Variants in ATRN observed in about 807,000 individuals in gnomAD.
ATRN encodes the protein attractin, also known as attractin-2.
Under a neutral mutation model 178.7 loss-of-function variants are expected in ATRN, and 54 were observed. That is an observed-to-expected ratio of 0.30 (90% CI 0.24 to 0.38). The LOEUF is 0.38. Among genes scored for constraint, ATRN ranks in the 10% least tolerant of loss-of-function variants. ATRN has a pLI of 1.00. For missense variants in ATRN, 1,443 were observed against 1,815.1 expected, an observed-to-expected ratio of 0.79 and a Z score of 3.73; for synonymous variants, 636 against 663.0, an observed-to-expected ratio of 0.96 and a Z score of 0.63.
intron 1 of ATRN, chr20:3,489,810 T>C (rs755659857): frequency 1.6e-6 from 2 of 1,267,696 alleles, no homozygotes; most frequent in Non-Finnish European, 2.3e-6. Context: ...TCCACAAATC[T>C]CACAGTTATA....
At chr20:3,543,052 TA>T (rs1455154869) in intron 3 of ATRN, among the ~76,000 whole-genome samples, 1 of 152,184 alleles carries the variant, frequency 6.6e-6, no homozygotes, top group Non-Finnish European at 1.5e-5. Context: ...TGATGATGGT[TA>T]ACCCTTCATT....
At chr20:3,565,310 T>A in intron 10 of ATRN, 38 bp from the exon 11 acceptor site, 1 of 1,513,878 alleles carries the variant, frequency 6.6e-7, no homozygotes, top group Non-Finnish European at 9.1e-7. Context: ...TGATTAGAAA[T>A]GGTAGTCCGT....
intron 1 of ATRN, among the ~76,000 whole-genome samples, chr20:3,506,389 C>T (rs1171335870): frequency 6.6e-6 from 1 of 151,932 alleles, no homozygotes; most frequent in Non-Finnish European, 1.5e-5. Flanking sequence ...TTTGGGAGGC[C>T]GAGGCAGGTG....
chr20:3,479,246 T>C (rs1292525665), intron 1 of ATRN, among the ~76,000 whole-genome samples: 1 of 152,198 alleles, frequency 6.6e-6, no homozygotes, highest in Non-Finnish European at 1.5e-5. Context: ...AAATATCTGC[T>C]GAATATTGTG....
chr20:3,638,838 G>A lies in ATRN; in HGVS notation c.3953G>A (p.Arg1318Gln), dbSNP rs761701049. Reference protein sequence around the residue: ...WASRRREQLLREMQQMASRPF... With the variant: ...WASRRREQLLQEMQQMASRPF... ...CATATTATTTATCAGCAACTTCTTCGAGAGATGCAACAGATGGCCAGCCGT... is the reference window on the plus strand; with the variant it reads ...CATATTATTTATCAGCAACTTCTTCAAGAGATGCAACAGATGGCCAGCCGT... Residue 1318 changes from arginine to glutamine, a missense_variant, in exon 27 of 29, where the codon CGA becomes CAA. Coordinates refer to ENST00000262919, the MANE Select transcript of ATRN (RefSeq NM_139321.3). The surrounding 1 kb of genome is among the most constrained non-coding windows in gnomAD (Gnocchi z 4.5). 6 of 1,613,912 alleles carry A rather than the reference G, an allele frequency of 3.7e-6. No individual in the cohort carries two copies. Among genetic ancestry groups the A allele is most frequent in the East Asian group, 2.2e-5 (1 of 44,888 alleles).
At chr20:3,487,815 A>G (rs1387570885) in intron 1 of ATRN, among the ~76,000 whole-genome samples, 1 of 152,136 alleles carries the variant, frequency 6.6e-6, no homozygotes, top group Non-Finnish European at 1.5e-5. Flanking sequence ...TTATGAAGTC[A>G]TTGGGAGGGA....
At chr20:3,626,646 T>C (rs986644383) in intron 25 of ATRN, among the ~76,000 whole-genome samples, 2 of 152,154 alleles carry the variant, frequency 1.3e-5, no homozygotes, top group Non-Finnish European at 2.9e-5. Context: ...AGAGTTAATA[T>C]TACCAATACT....
At chr20:3,504,256 G>C (rs1428451389) in intron 1 of ATRN, among the ~76,000 whole-genome samples, 1 of 152,084 alleles carries the variant, frequency 6.6e-6, no homozygotes, top group East Asian at 1.9e-4. Context: ...GTTGCTAGCA[G>C]AACAACCCTT....
chr20:3,576,695 G>GTCTATCTGTCTA (rs1555819446), intron 13 of ATRN, among the ~76,000 whole-genome samples, 164 bp from the exon 14 acceptor site: 1 of 142,286 alleles, frequency 7.0e-6, no homozygotes, highest in Non-Finnish European at 1.5e-5. Flanking sequence ...CTGTCTGTCT[G>GTCTATCTGTCTA]TCTATCTATC....
intron 24 of ATRN, among the ~76,000 whole-genome samples, chr20:3,621,507 G>A (rs900770674): frequency 1.4e-4 from 21 of 152,224 alleles, no homozygotes; most frequent in African/African-American, 5.1e-4. Context: ...TTGGAATTGG[G>A]TTGTGGAAGT....
chr20:3,479,333 T>C (rs1435385549), intron 1 of ATRN, among the ~76,000 whole-genome samples: 6 of 152,160 alleles, frequency 3.9e-5, no homozygotes, highest in African/African-American at 9.7e-5. Context: ...AGAGAAGTTA[T>C]AACTATGAAG....
Position 3,471,182 on chromosome 20 carries a change from G to C in ATRN, c.75G>C (p.Arg25Ser), listed in dbSNP as rs1307910691. Reference protein sequence around the residue: ...RTAATAALAGRSGGPHWDWDV... With the variant: ...RTAATAALAGSSGGPHWDWDV... ...CGGCGACGGCAGCGCTCGCGGGCAG[G>C]AGCGGCGGGCCGCACTGGGACTGGG... Residue 25 changes from arginine to serine, a missense_variant, in exon 1 of 29, where the codon AGG (arginine) becomes AGC (serine). Physicochemically the swap from Arg to Ser is moderately radical, Grantham distance 110. Transcript: ENST00000262919. 6.7e-7 allele frequency: 1 copy of C among 1,502,956 alleles called. No homozygotes were observed. The highest frequency in any genetic ancestry group is 8.8e-7 in the Non-Finnish European group (1 of 1,132,938). The allele number at this position is 1,502,956 out of a possible 1,614,324, so 93.1% of individuals were successfully genotyped here.
intron 6 of ATRN, among the ~76,000 whole-genome samples, chr20:3,550,228 T>G (rs2085767336): frequency 6.6e-6 from 1 of 152,166 alleles, no homozygotes; most frequent in Admixed American, 6.5e-5. Context: ...CTCAGGAGGC[T>G]GAGATGGGAG....
intron 1 of ATRN, among the ~76,000 whole-genome samples, chr20:3,507,062 T>C (rs1390843945): frequency 6.6e-6 from 1 of 151,858 alleles, no homozygotes; most frequent in Non-Finnish European, 1.5e-5. Flanking sequence ...TGTTTTTTTT[T>C]TTTTAATGGC....
Position 3,562,308 on chromosome 20 carries a change from G to C in ATRN, c.1480G>C (p.Gly494Arg). 6.2e-7 allele frequency: 1 copy of C among 1,614,014 alleles called. No homozygotes were observed. Among genetic ancestry groups the C allele is most frequent in the Non-Finnish European group, 8.5e-7 (1 of 1,179,934 alleles). ...CACATGGAGTATATTACACACCCAG[G>C]GTGCCCTTGTGCAAGGGGGTTACGG... The part of the protein sequence containing the change: ...KNTWSILHTQ[G>R]ALVQGGYGHS... Residue 494 changes from glycine to arginine, a missense_variant, in exon 9 of 29, where the codon GGT becomes CGT. Coordinates refer to ENST00000262919, the MANE Select transcript of ATRN (RefSeq NM_139321.3).
At chr20:3,547,526 T>G (rs2085723625) in intron 5 of ATRN, 37 bp downstream of exon 5, 1 of 1,480,368 alleles carries the variant, frequency 6.8e-7, no homozygotes, top group Non-Finnish European at 9.4e-7. Flanking sequence ...TTCTTCCATT[T>G]ATAGAACATT....
At chr20:3,639,112 A>G (rs1304255985) in intron 27 of ATRN, among the ~76,000 whole-genome samples, 177 bp downstream of exon 27, 1 of 152,084 alleles carries the variant, frequency 6.6e-6, no homozygotes, top group Non-Finnish European at 1.5e-5. Context: ...TTGTTTTTCA[A>G]TCTTTGTTTC....
At chr20:3,480,681 C>T (rs577680321) in intron 1 of ATRN, among the ~76,000 whole-genome samples, 3 of 152,176 alleles carry the variant, frequency 2.0e-5, no homozygotes, top group Admixed American at 6.5e-5. Flanking sequence ...GACTTTACCT[C>T]GATGAAAGGT....
chr20:3,498,008 C>T (rs544096112), intron 1 of ATRN, among the ~76,000 whole-genome samples: 9 of 152,070 alleles, frequency 5.9e-5, no homozygotes, highest in Non-Finnish European at 1.2e-4. Context: ...ATATCACCAC[C>T]GATCCCACAG....
Sources: allele counts gnomAD v4.1 joint callset (sites outside exome capture counted in the v4.1 genomes callset), GRCh38; gene constraint gnomAD v4.1.1; non-coding constraint Gnocchi (gnomAD v3.1); transcripts MANE v1.5; gene names NCBI Gene and HGNC (gene_info 2026-07-23, HGNC 2026-07-21).